Variants in LTBP1 observed in about 807,000 individuals in gnomAD.
LTBP1 encodes latent-transforming growth factor beta-binding protein 1.
LTBP1 carries 129 observed loss-of-function variants against 207.6 expected under a neutral mutation model. The ratio of observed to expected loss-of-function variants is 0.62; its 90% CI spans 0.54 to 0.72. LTBP1 has a LOEUF of 0.72. Ranked by LOEUF, LTBP1 falls within the 30% of genes least tolerant of loss-of-function variation. The pLI is 0.00. For missense variants in LTBP1, 2,281 were observed against 2,217.2 expected, an observed-to-expected ratio of 1.03 and a Z score of -0.58; for synonymous variants, 963 against 833.7, an observed-to-expected ratio of 1.16 and a Z score of -2.67.
intron 10 of LTBP1, among the ~76,000 whole-genome samples, chr2:33,244,884 CTATT>C (rs1199781734): frequency 2.2e-4 from 34 of 151,886 alleles, no homozygotes; most frequent in African/African-American, 7.0e-4. Flanking sequence ...ATCTATCTAT[CTATT>C]TATTTTTGAG....
At chr2:33,093,355 G>A (rs907775566) in intron 3 of LTBP1, among the ~76,000 whole-genome samples, 1 of 152,034 alleles carries the variant, frequency 6.6e-6, no homozygotes, top group Non-Finnish European at 1.5e-5. Flanking sequence ...CAGTGAGATA[G>A]CCTGTTGTTC....
At chr2:33,259,452 A>G (rs1444872840) in intron 12 of LTBP1, 136 bp from the exon 13 acceptor site, 1 of 550,024 alleles carries the variant, frequency 1.8e-6, no homozygotes, top group Non-Finnish European at 3.0e-6. Flanking sequence ...AGATGATCCT[A>G]ATTCTGCATT....
chr2:33,082,378 A>T (rs1356738746), intron 3 of LTBP1, among the ~76,000 whole-genome samples: 1 of 151,148 alleles, frequency 6.6e-6, no homozygotes, highest in Non-Finnish European at 1.5e-5. Flanking sequence ...GACAGGTAGC[A>T]TAGTGGGGAT....
intron 31 of LTBP1, among the ~76,000 whole-genome samples, chr2:33,384,445 C>T (rs2095248422): frequency 6.6e-6 from 1 of 152,162 alleles, no homozygotes; most frequent in African/African-American, 2.4e-5. Context: ...CTGTTCATTT[C>T]ACATTGGTAT....
At chr2:33,059,037 T>C (rs980447004) in intron 3 of LTBP1, among the ~76,000 whole-genome samples, 4 of 152,244 alleles carry the variant, frequency 2.6e-5, no homozygotes, top group African/African-American at 9.6e-5. Context: ...CAAGTGATCT[T>C]CATTAAATTA....
At chr2:33,145,305 C>A (rs1472569605) in intron 5 of LTBP1, among the ~76,000 whole-genome samples, 3 of 152,076 alleles carry the variant, frequency 2.0e-5, no homozygotes, top group Admixed American at 6.5e-5. Context: ...GATTTCGTTA[C>A]TCTGAGACCA....
intron 3 of LTBP1, among the ~76,000 whole-genome samples, chr2:33,105,726 C>A (rs969453788): frequency 6.6e-6 from 1 of 152,128 alleles, no homozygotes; most frequent in Non-Finnish European, 1.5e-5. Flanking sequence ...AGCCCAGCCC[C>A]ATAATCTTTT....
chr2:32,998,964 G>C (rs970744669), intron 2 of LTBP1, among the ~76,000 whole-genome samples: 2 of 152,224 alleles, frequency 1.3e-5, no homozygotes, highest in Admixed American at 6.5e-5. Flanking sequence ...GGTTCTAAAA[G>C]GTAGTTCCTG....
At chr2:33,167,650 G>T (rs2085048304) in intron 5 of LTBP1, among the ~76,000 whole-genome samples, 1 of 152,242 alleles carries the variant, frequency 6.6e-6, no homozygotes, top group Admixed American at 6.5e-5. Flanking sequence ...CTTCAGCAGA[G>T]GTGTGGGTGG....
Position 33,243,700 on chromosome 2 carries a change from G to A in LTBP1, c.1915G>A (p.Gly639Ser). 1.9e-6 allele frequency: 3 copies of A among 1,613,890 alleles called. No homozygotes were observed. The highest frequency in any genetic ancestry group is 2.5e-6 in the Non-Finnish European group (3 of 1,179,816). Reference sequence around the variant, plus strand: ...TCAGCTACAAGGTGTATGCCCTAATGGTGAGTGTTTGAATACCATGGGCAG... The same window carrying A: ...TCAGCTACAAGGTGTATGCCCTAATAGTGAGTGTTTGAATACCATGGGCAG... ...ECQLQGVCPN[G>S]ECLNTMGSYR... The change falls in exon 10 of 34, where the codon GGT becomes AGT. Residue 639 changes from glycine to serine, a missense_variant. Transcript: ENST00000404816.
chr2:33,249,309 G>C (rs1476549206), intron 10 of LTBP1, among the ~76,000 whole-genome samples: 2 of 142,296 alleles, frequency 1.4e-5, no homozygotes, highest in African/African-American at 5.2e-5. Flanking sequence ...GGTCATCTCA[G>C]TAGGTCTGAT....
intron 4 of LTBP1, among the ~76,000 whole-genome samples, chr2:33,125,429 G>A (rs1329061053): frequency 2.0e-5 from 3 of 152,078 alleles, no homozygotes; most frequent in African/African-American, 4.8e-5. Context: ...ATTTAGTATC[G>A]TCCATAATTT....
chr2:33,074,869 C>CAAAAA (rs36211816), intron 3 of LTBP1, among the ~76,000 whole-genome samples: 1 of 131,950 alleles, frequency 7.6e-6, no homozygotes, highest in African/African-American at 3.4e-5. Context: ...GACTCCATCT[C>CAAAAA]AAAAAAAAAA....
chr2:33,341,729 A>AAAATATATATATATATAT (rs745445793), intron 24 of LTBP1, among the ~76,000 whole-genome samples: 69 of 93,596 alleles, frequency 7.4e-4, no homozygotes, highest in East Asian at 3.0e-3. Context: ...AAAAAAAAAA[A>AAAATATATATATATATAT]ATATATATAT....
At chr2:33,199,299 A>G (rs919197636) in intron 7 of LTBP1, among the ~76,000 whole-genome samples, 9 of 152,250 alleles carry the variant, frequency 5.9e-5, no homozygotes, top group South Asian at 2.1e-4. Flanking sequence ...TACATTTGCC[A>G]AGGAGAGCTT....
chr2:33,364,235 C>T lies in LTBP1; in HGVS notation c.4419C>T (p.Asp1473=). ...CTTAAGATATGGATGAATGTCAAGA[C>T]CCCAGTAGTTGTATTGATGGCCAGT... is the stretch of plus-strand genomic sequence containing the variant. ...LQCFDMDECQ[D]PSSCIDGQCV... is the part of the protein sequence containing the mutation. The change falls in exon 30 of 34, where the codon GAC becomes GAT. Residue 1473 remains aspartate, a synonymous_variant. Coordinates refer to ENST00000404816, the MANE Select transcript of LTBP1 (RefSeq NM_206943.4). The T allele has an allele frequency of 6.2e-7, 1 of 1,613,612 alleles. No homozygotes were observed. The highest frequency in any genetic ancestry group is 8.5e-7 in the Non-Finnish European group (1 of 1,179,816).
chr2:33,203,712 A>G (rs1435251209), intron 7 of LTBP1, among the ~76,000 whole-genome samples: 1 of 152,188 alleles, frequency 6.6e-6, no homozygotes, highest in East Asian at 1.9e-4. Context: ...CTAGGGCTCT[A>G]TAAAATAATA....
chr2:32,995,240 A>G (rs768510037), intron 2 of LTBP1, among the ~76,000 whole-genome samples: 4 of 152,006 alleles, frequency 2.6e-5, no homozygotes, highest in African/African-American at 4.8e-5. Context: ...GAAAACCACC[A>G]GAGTGCTCCA....
intron 2 of LTBP1, among the ~76,000 whole-genome samples, chr2:32,991,341 T>C (rs1223916798): frequency 6.6e-6 from 1 of 152,236 alleles, no homozygotes; most frequent in African/African-American, 2.4e-5. Flanking sequence ...AAATAAACTG[T>C]CATGATTCTA....
Sources: gnomAD v4.1 joint callset for allele counts (sites outside exome capture counted in the v4.1 genomes callset) on GRCh38, gnomAD v4.1.1 for gene constraint, MANE v1.5 for transcripts, NCBI Gene and HGNC (gene_info 2026-07-23, HGNC 2026-07-21) for gene names.